Variants in YEATS4 observed in about 807,000 individuals in gnomAD.
The protein encoded by YEATS4 is YEATS domain-containing protein 4.
In YEATS4, 17 loss-of-function variants were observed where a neutral mutation model predicts 30.1. That is an observed-to-expected ratio of 0.56 (90% confidence interval 0.39 to 0.85). The LOEUF is 0.85. Among genes scored for constraint, YEATS4 ranks in the 40% least tolerant of loss-of-function variants. YEATS4 has a pLI of 0.00. For missense variants in YEATS4, 142 were observed against 268.3 expected, an observed-to-expected ratio of 0.53 and a Z score of 3.29; for synonymous variants, 85 against 87.5, an observed-to-expected ratio of 0.97 and a Z score of 0.16.
rs765790315 is a variant in YEATS4 at position 69,365,882 on chromosome 12, C to A, written c.331C>A (p.Pro111Thr). ...KIFFIDPNER[P>T]VTLYHLLKLF... ...ATTTTTCATTGACCCTAATGAAAGA[C>A]CTGTGAGTAGCATTAATCTTTGTAA... The change falls in exon 4 of 7, where the codon CCT becomes ACT. Residue 111 changes from proline to threonine, a missense_variant and splice_region_variant. Pro to Thr is a conservative substitution (Grantham distance 38, BLOSUM62 -1). Transcript: ENST00000247843. 6.3e-7 allele frequency: 1 copy of A among 1,583,560 alleles called. No individual in the cohort carries two copies. The highest frequency in any genetic ancestry group is 1.2e-5 in the South Asian group (1 of 86,754).
In YEATS4 at chr12:69,359,788, A is replaced by C; in HGVS notation, c.-185A>C. The C allele has an allele frequency of 1.5e-6, 1 of 657,072 alleles. No homozygotes were observed. The highest frequency in any genetic ancestry group is 2.0e-5 in the South Asian group (1 of 49,004). The allele number at this position is 657,072 out of a possible 1,614,324, so 40.7% of individuals were successfully genotyped here. ...ACCTGCGCGGGCCTGAATGGCCTTC[A>C]GGAGCACAGTCGGCCTGAGGAGTTG... On this transcript the variant is annotated 5_prime_UTR_variant, in exon 1 of 7. Transcript: ENST00000247843.
chr12:69,373,971 G>A (rs1875742672), intron 6 of YEATS4, among the ~76,000 whole-genome samples: 1 of 152,090 alleles, frequency 6.6e-6, no homozygotes, highest in Admixed American at 6.6e-5. Context: ...TCTCTAGTCT[G>A]TTCCGTTGGT....
At chr12:69,425,294 G>C in the YEATS4 span, among the ~76,000 whole-genome samples, 1 of 152,122 alleles carries the variant, frequency 6.6e-6, no homozygotes, top group Non-Finnish European at 1.5e-5. Context: ...TTATCTTAGT[G>C]CTTATGGCAG....
At chr12:69,375,408 C>T (rs1875826009) in intron 6 of YEATS4, among the ~76,000 whole-genome samples, 1 of 151,290 alleles carries the variant, frequency 6.6e-6, no homozygotes, top group African/African-American at 2.4e-5. Flanking sequence ...AGGCGCTCCT[C>T]ACTTCCCAGA....
chr12:69,392,684 T>C (rs1868325022), downstream of YEATS4, among the ~76,000 whole-genome samples: 1 of 152,210 alleles, frequency 6.6e-6, no homozygotes. Context: ...CTAACCAATG[T>C]AGGTGTTTGG....
chr12:69,376,343 G>A (rs769637006), intron 6 of YEATS4, among the ~76,000 whole-genome samples: 4 of 152,194 alleles, frequency 2.6e-5, no homozygotes, highest in Admixed American at 6.5e-5. Context: ...TCCAGCCTAG[G>A]CAACAGAGTG....
chr12:69,376,339 C>G (rs747929620), intron 6 of YEATS4, among the ~76,000 whole-genome samples: 2 of 152,178 alleles, frequency 1.3e-5, no homozygotes, highest in Non-Finnish European at 1.5e-5. Context: ...GCACTCCAGC[C>G]TAGGCAACAG....
intron 6 of YEATS4, among the ~76,000 whole-genome samples, chr12:69,380,695 G>T (rs567963708): frequency 6.6e-6 from 1 of 152,164 alleles, no homozygotes; most frequent in Admixed American, 6.5e-5. Context: ...GCCAGATATC[G>T]GGTGAAATTC....
intron 6 of YEATS4, among the ~76,000 whole-genome samples, chr12:69,383,238 T>A (rs1245802773): frequency 6.6e-6 from 1 of 152,022 alleles, no homozygotes; most frequent in Non-Finnish European, 1.5e-5. Flanking sequence ...CACGCCAGAC[T>A]GAACAATACA....
the YEATS4 span, among the ~76,000 whole-genome samples, chr12:69,413,617 C>T: frequency 1.3e-5 from 2 of 150,276 alleles, no homozygotes; most frequent in African/African-American, 2.4e-5. Flanking sequence ...TTTGGGAGGC[C>T]GAGACAGGCA....
chr12:69,409,148 T>A, the YEATS4 span, among the ~76,000 whole-genome samples: 1 of 152,228 alleles, frequency 6.6e-6, no homozygotes, highest in Non-Finnish European at 1.5e-5. Context: ...CGTGGCTCCG[T>A]TGCACACTGG....
chr12:69,361,684 AACTGAGCC>A (rs1875216566), intron 1 of YEATS4, among the ~76,000 whole-genome samples: 1 of 152,240 alleles, frequency 6.6e-6, no homozygotes, highest in Non-Finnish European at 1.5e-5. Context: ...ACATTTCTGT[AACTGAGCC>A]ATTGGTTTCA....
rs146749901 is a variant in YEATS4, at chr12:69,376,158, G to A, written c.514+5183G>A. Among the ~76,000 whole-genome samples, 505 of 152,276 alleles carry A rather than the reference G, an allele frequency of 3.3e-3. 4 individuals are homozygous for A. Among genetic ancestry groups the A allele is most frequent in the African/African-American group, 0.011 (473 of 41,544 alleles). ...AAGGCAGATGGATCACCTGAGGTCA[G>A]GAGTTCAAGACCAGCCTGGCCAACA... On this transcript the variant is annotated intron_variant, in intron 6 of 6. Coordinates refer to ENST00000247843, the MANE Select transcript of YEATS4 (RefSeq NM_006530.4).
intron 6 of YEATS4, among the ~76,000 whole-genome samples, chr12:69,386,603 C>T (rs1227368186): frequency 1.3e-5 from 2 of 152,164 alleles, no homozygotes; most frequent in Non-Finnish European, 2.9e-5. Context: ...ACCCCAGCAT[C>T]TAACAAAGCG....
chr12:69,371,603 T>TATTCATTC, intron 6 of YEATS4, among the ~76,000 whole-genome samples: 1 of 152,370 alleles, frequency 6.6e-6, no homozygotes, highest in South Asian at 2.1e-4. Flanking sequence ...TTTCTTTGAT[T>TATTCATTC]ATTCATTCAT....
At chr12:69,372,042 G>A (rs1325993587) in intron 6 of YEATS4, among the ~76,000 whole-genome samples, 4 of 152,144 alleles carry the variant, frequency 2.6e-5, no homozygotes, top group South Asian at 2.1e-4. Context: ...ACAAGAGGAC[G>A]AGGAGTGGGA....
the YEATS4 span, among the ~76,000 whole-genome samples, chr12:69,417,895 G>A: frequency 1.4e-5 from 2 of 144,936 alleles, no homozygotes; most frequent in Admixed American, 6.9e-5. Context: ...AGCTTTTGAA[G>A]CCAAATGCCC....
intron 6 of YEATS4, 72 bp from the exon 7 acceptor site, chr12:69,390,075 A>G (rs1592862489): frequency 8.1e-6 from 10 of 1,241,166 alleles, no homozygotes; most frequent in Admixed American, 3.2e-5. Flanking sequence ...AGGAAATGCC[A>G]TATTTATTAC....
chr12:69,393,561 T>C (rs1274698488), downstream of YEATS4, among the ~76,000 whole-genome samples: 1 of 136,140 alleles, frequency 7.3e-6, no homozygotes, highest in Non-Finnish European at 1.6e-5. Flanking sequence ...CTGCCAACAA[T>C]TGATAAAGAA....
Sources: gnomAD v4.1 joint callset for allele counts (sites outside exome capture counted in the v4.1 genomes callset) on GRCh38, gnomAD v4.1.1 for gene constraint, MANE v1.5 for transcripts, NCBI Gene and HGNC (gene_info 2026-07-23, HGNC 2026-07-21) for gene names.